ZNF236: variants seen among roughly 807,000 people sequenced by gnomAD.
The protein encoded by ZNF236 is regulated by glucose.
Under a neutral mutation model 191.2 loss-of-function variants are expected in ZNF236, and 50 were observed. That is an observed-to-expected ratio of 0.26 (90% CI 0.21 to 0.33). The LOEUF (loss-of-function observed/expected upper bound fraction) is 0.33, where lower values mean the gene tolerates loss of function less well. Ranked by LOEUF, ZNF236 falls within the 10% of genes least tolerant of loss-of-function variation. The pLI is 1.00. For synonymous variants in ZNF236, 907 were observed against 928.8 expected, an observed-to-expected ratio of 0.98 and a Z score of 0.43; for missense variants, 1,754 against 2,374.5, an observed-to-expected ratio of 0.74 and a Z score of 5.43.
chr18:76,913,957 T>A, intron 18 of ZNF236, 59 bp downstream of exon 18: 1 of 1,566,224 alleles, frequency 6.4e-7, no homozygotes, highest in African/African-American at 1.4e-5. Context: ...TTTATTGAGA[T>A]ATAATCCATA....
chr18:76,892,739 G>T (rs1977286520), intron 9 of ZNF236, among the ~76,000 whole-genome samples: 1 of 152,082 alleles, frequency 6.6e-6, no homozygotes, highest in Non-Finnish European at 1.5e-5. Context: ...AGCAAATTTT[G>T]TATTTTTAGT....
intron 1 of ZNF236, among the ~76,000 whole-genome samples, chr18:76,829,844 T>TA (rs11459313): frequency 0.011 from 1,712 of 152,354 alleles, 24 homozygotes; most frequent in African/African-American, 0.039. Flanking sequence ...TGGCTTCTGA[T>TA]ACGACATGTT....
At chr18:76,902,519 A>C (rs989387055) in intron 11 of ZNF236, among the ~76,000 whole-genome samples, 3 of 152,112 alleles carry the variant, frequency 2.0e-5, no homozygotes, top group Non-Finnish European at 4.4e-5. Context: ...TGCATGTCTC[A>C]GCATGTGTAG....
intron 6 of ZNF236, among the ~76,000 whole-genome samples, chr18:76,876,477 T>C (rs1215809050): frequency 2.6e-5 from 4 of 152,150 alleles, no homozygotes; most frequent in African/African-American, 7.2e-5. Context: ...TATCCAAATT[T>C]AATAAAAACA....
intron 27 of ZNF236, 120 bp from the exon 28 acceptor site, chr18:76,955,865 G>A: frequency 1.8e-6 from 2 of 1,099,622 alleles, no homozygotes; most frequent in Non-Finnish European, 2.7e-6. Flanking sequence ...AGGACATGCA[G>A]TGTGGGCTTG....
At chr18:76,867,207 A>C (rs1976443374) in intron 3 of ZNF236, among the ~76,000 whole-genome samples, 1 of 143,226 alleles carries the variant, frequency 7.0e-6, no homozygotes, top group Admixed American at 7.2e-5. Flanking sequence ...TTTTGTTCAG[A>C]TGCATTCAGG....
intron 1 of ZNF236, among the ~76,000 whole-genome samples, chr18:76,827,172 A>G (rs950449838): frequency 4.0e-5 from 6 of 151,576 alleles, no homozygotes; most frequent in African/African-American, 1.5e-4. Flanking sequence ...CTGGGATTAT[A>G]GGCGTGAGCC....
At chr18:76,866,429 G>A (rs1976406771) in intron 3 of ZNF236, among the ~76,000 whole-genome samples, 2 of 152,148 alleles carry the variant, frequency 1.3e-5, no homozygotes, top group Non-Finnish European at 2.9e-5. Flanking sequence ...ATGATGGGGG[G>A]GATCCTGGAG....
intron 1 of ZNF236, among the ~76,000 whole-genome samples, chr18:76,833,635 G>A (rs974666821): frequency 6.6e-6 from 1 of 151,946 alleles, no homozygotes; most frequent in African/African-American, 2.4e-5. Flanking sequence ...GAGCCACATT[G>A]GACTACAATT....
In ZNF236 at chr18:76,937,195, C is replaced by A; in HGVS notation, c.4634C>A (p.Pro1545Gln). ...AGCGGAAGCCTTCCTTCAACAACACCGATGTCTCCATCGGCCATCTCGACT... is the reference window on the plus strand; with the variant it reads ...AGCGGAAGCCTTCCTTCAACAACACAGATGTCTCCATCGGCCATCTCGACT... Reference protein sequence around the residue: ...TTSGSLPSTTPMSPSAISTQN... With the variant: ...TTSGSLPSTTQMSPSAISTQN... The change falls in exon 26 of 31, where the codon CCG (proline) becomes CAG (glutamine). Residue 1545 changes from proline (P) to glutamine (Q), a missense_variant. Transcript: ENST00000320610. The A allele has an allele frequency of 6.2e-7, 1 of 1,614,092 alleles. No homozygotes were observed.
chr18:76,883,150 T>A (rs1462011706), intron 9 of ZNF236, among the ~76,000 whole-genome samples: 1 of 152,202 alleles, frequency 6.6e-6, no homozygotes, highest in African/African-American at 2.4e-5. Context: ...CTGCACCAAG[T>A]ACTAGCCAGG....
chr18:76,949,079 C>T (rs1306532454), intron 27 of ZNF236, among the ~76,000 whole-genome samples: 1 of 152,176 alleles, frequency 6.6e-6, no homozygotes, highest in Non-Finnish European at 1.5e-5. Context: ...TTCATTGAGA[C>T]AGAAAAAGCA....
rs71172383 is a variant in ZNF236 at position 76,843,803 on chromosome 18, A to AAAAAAAAAAAAAAG, written c.56-5721_56-5720insAAAAAAAAAAAGAA. 8.8e-3 allele frequency among the ~76,000 whole-genome samples: 545 copies of AAAAAAAAAAAAAAG among 62,070 alleles called. 190 individuals are homozygous for AAAAAAAAAAAAAAG. The highest frequency in any genetic ancestry group is 0.015 in the African/African-American group (236 of 15,376). The allele number at this position is 62,070 out of a possible 152,430, so 40.7% of individuals were successfully genotyped here. A position where few individuals can be genotyped will look rare whatever the true frequency, so the allele number is the denominator to read the frequency against. The stretch of plus-strand genomic sequence containing the variant: ...AAAAAAAAAAAAAAAAAAAAAAAAA[A>AAAAAAAAAAAAAAG]AAGTAAAGAAGAGACCGGGCGCAGT... On this transcript the variant is annotated intron_variant, in intron 1 of 30. Coordinates refer to ENST00000320610, the MANE Select transcript of ZNF236 (RefSeq NM_001306089.2).
chr18:76,922,665 T>G (rs1438826587), intron 20 of ZNF236, among the ~76,000 whole-genome samples: 1 of 152,018 alleles, frequency 6.6e-6, no homozygotes, highest in African/African-American at 2.4e-5. Context: ...CAAGCGATTC[T>G]CCTGTCTCAG....
intron 1 of ZNF236, chr18:76,824,145 C>T (rs3764473): frequency 0.2 from 116,190 of 590,914 alleles, 11,970 homozygotes; most frequent in Middle Eastern, 0.24. Context: ...CACAGGTGCC[C>T]CAGAGAAAGG....
chr18:76,962,244 A>G (rs1251796480), intron 30 of ZNF236, among the ~76,000 whole-genome samples: 4 of 152,184 alleles, frequency 2.6e-5, no homozygotes, highest in Admixed American at 1.3e-4. Context: ...GAGATGAGAT[A>G]TGAAGATCCA....
intron 3 of ZNF236, among the ~76,000 whole-genome samples, chr18:76,863,905 G>T (rs1213151299): frequency 6.6e-6 from 1 of 152,192 alleles, no homozygotes; most frequent in Non-Finnish European, 1.5e-5. Context: ...AAAGAAGAAT[G>T]GTGTGGTGGT....
chr18:76,861,135 C>T (rs373344715), intron 3 of ZNF236, among the ~76,000 whole-genome samples: 9 of 152,298 alleles, frequency 5.9e-5, no homozygotes, highest in South Asian at 4.2e-4. Flanking sequence ...TCTGTAATAA[C>T]GTGTTGGCAA....
chr18:76,870,674 G>T (rs913190576), intron 4 of ZNF236, among the ~76,000 whole-genome samples: 2 of 152,156 alleles, frequency 1.3e-5, no homozygotes, highest in African/African-American at 4.8e-5. Context: ...GCTGTTGTGC[G>T]TGGGCCTTTC....
Sources: allele counts gnomAD v4.1 joint callset (sites outside exome capture counted in the v4.1 genomes callset), GRCh38; gene constraint gnomAD v4.1.1; transcripts MANE v1.5; gene names NCBI Gene and HGNC (gene_info 2026-07-23, HGNC 2026-07-21).